Variants in RBFOX1 observed in about 807,000 individuals in gnomAD.
The protein encoded by RBFOX1 is RNA binding fox-1 homolog 1.
A neutral mutation model predicts 57.7 loss-of-function variants in RBFOX1; 8 were observed. The observed-to-expected ratio is 0.14, with a 90% CI of 0.08 to 0.25. The LOEUF is 0.25. Among genes scored for constraint, RBFOX1 ranks in the 10% least tolerant of loss-of-function variants. RBFOX1 has a pLI of 1.00. For missense variants in RBFOX1, 611 were observed against 548.5 expected (o/e 1.11, Z -1.14); for synonymous variants, 326 against 222.4 (o/e 1.47, Z -4.15).
intron 1 of RBFOX1, among the ~76,000 whole-genome samples, chr16:5,272,079 C>T (rs1391100575): frequency 1.3e-5 from 2 of 152,180 alleles, no homozygotes; most frequent in Non-Finnish European, 2.9e-5. Flanking sequence ...GAGATCCCTT[C>T]AACATATTGA....
chr16:6,808,855 A>C (rs1418039197), intron 3 of RBFOX1, among the ~76,000 whole-genome samples: 1 of 152,168 alleles, frequency 6.6e-6, no homozygotes, highest in Middle Eastern at 3.2e-3. Context: ...CCAAGGGAAT[A>C]CTTCCTGTAA....
rs544276704 is a variant in RBFOX1 at position 6,671,669 on chromosome 16, G to C, written c.-16+17019G>C. Among the ~76,000 whole-genome samples, 5 of 152,238 alleles carry C rather than the reference G, an allele frequency of 3.3e-5. 1 individual carries two copies. In the South Asian group the frequency reaches 1.0e-3, roughly 32 times the overall value. On this transcript the variant is annotated intron_variant, in intron 3 of 15. Coordinates refer to ENST00000550418, the MANE Select transcript of RBFOX1 (RefSeq NM_018723.4). ...TCCGTTCTATCATTCTTACGCCTTT[G>C]CATCCTCATAGCTTAGCTCCCACTT...
intron 4 of RBFOX1, among the ~76,000 whole-genome samples, chr16:7,068,071 G>A (rs577323209): frequency 3.3e-5 from 5 of 150,214 alleles, no homozygotes; most frequent in South Asian, 4.2e-4. Context: ...TGTATCTGTC[G>A]GACTGGTTTC....
chr16:7,661,975 AG>A (rs1375011922), intron 12 of RBFOX1, among the ~76,000 whole-genome samples: 3 of 152,064 alleles, frequency 2.0e-5, no homozygotes, highest in African/African-American at 4.8e-5. Context: ...TGGTACAAAT[AG>A]GCTTGACATG....
chr16:6,511,044 A>C (rs2096246064), intron 2 of RBFOX1, among the ~76,000 whole-genome samples: 1 of 152,174 alleles, frequency 6.6e-6, no homozygotes, highest in South Asian at 2.1e-4. Flanking sequence ...TTTAAAAGCA[A>C]CATTGAGGTT....
intron 3 of RBFOX1, among the ~76,000 whole-genome samples, chr16:6,780,654 T>C (rs1448744921): frequency 6.7e-6 from 1 of 148,230 alleles, no homozygotes; most frequent in Non-Finnish European, 1.5e-5. Context: ...TATATATGTA[T>C]ATATCTATAT....
At chr16:6,098,782 G>A (rs1375238629) in intron 1 of RBFOX1, among the ~76,000 whole-genome samples, 1 of 152,106 alleles carries the variant, frequency 6.6e-6, no homozygotes, top group African/African-American at 2.4e-5. Context: ...GTTCCTCAGG[G>A]GACTCTGAGA....
At chr16:5,396,727 C>T (rs567785261) in intron 1 of RBFOX1, among the ~76,000 whole-genome samples, 2 of 152,284 alleles carry the variant, frequency 1.3e-5, no homozygotes, top group East Asian at 1.9e-4. Flanking sequence ...TCATCTGTAT[C>T]GTGGCTTAAC....
At chr16:7,400,748 T>C (rs1322877148) in intron 4 of RBFOX1, among the ~76,000 whole-genome samples, 2 of 152,182 alleles carry the variant, frequency 1.3e-5, no homozygotes, top group Non-Finnish European at 2.9e-5. Context: ...CAGTCTGCAG[T>C]AATCCAGTCA....
At position 5,880,695 on chromosome 16, in the gene RBFOX1, C is replaced by G. The variant is rs555344336; in HGVS notation, c.351+13360C>G. ...GATCCTGCAGATCCTAGACTGAGGT[C>G]CCTTAACCTCTTCTGTTTCATGACC... On this transcript the variant is annotated intron_variant, in intron 4 of 19. Coordinates refer to the RBFOX1 transcript ENST00000641259. 1.0e-3 allele frequency among the ~76,000 whole-genome samples: 157 copies of G among 152,180 alleles called. 3 individuals carry two copies. The highest frequency in any genetic ancestry group is 3.7e-3 in the African/African-American group (154 of 41,520).
chr16:6,892,848 G>A (rs1322188691), intron 3 of RBFOX1, among the ~76,000 whole-genome samples: 1 of 139,012 alleles, frequency 7.2e-6, no homozygotes, highest in Non-Finnish European at 1.5e-5. Flanking sequence ...AGGGTGTTCT[G>A]TGCCCCCCTC....
chr16:6,770,761 G>T (rs895474809), intron 3 of RBFOX1, among the ~76,000 whole-genome samples: 1 of 152,110 alleles, frequency 6.6e-6, no homozygotes, highest in African/African-American at 2.4e-5. Context: ...CATTCTTCTT[G>T]TCTCCCCAGT....
At chr16:6,034,680 G>C (rs184188318) in intron 1 of RBFOX1, among the ~76,000 whole-genome samples, 58 of 152,264 alleles carry the variant, frequency 3.8e-4, no homozygotes, top group South Asian at 2.1e-3. Flanking sequence ...CCTTCATACC[G>C]TAACAGAATG....
chr16:5,605,813 G>A (rs1017124009), intron 3 of RBFOX1, among the ~76,000 whole-genome samples: 6 of 152,120 alleles, frequency 3.9e-5, no homozygotes, highest in African/African-American at 1.4e-4. Flanking sequence ...GTATAGGCGA[G>A]AAGAATGGTA....
At chr16:6,931,863 G>A (rs148094550) in intron 3 of RBFOX1, among the ~76,000 whole-genome samples, 5 of 152,232 alleles carry the variant, frequency 3.3e-5, no homozygotes, top group Middle Eastern at 3.4e-3. Context: ...GGTATCTGAC[G>A]AGGGCGTGGT....
At position 6,951,944 on chromosome 16, in the gene RBFOX1, C is replaced by G. The variant is rs145312822; in HGVS notation, c.-15-100113C>G. Among the ~76,000 whole-genome samples the G allele has an allele frequency of 7.3e-4, 111 of 152,274 alleles. 2 individuals carry two copies. In the East Asian group the frequency reaches 0.019, roughly 26 times the overall value. On this transcript the variant is annotated intron_variant, in intron 3 of 15. Transcript: ENST00000550418. ...AGAGATGGGGTTTCACCATGTTGGT[C>G]AGGCTGGTCTCGAACACCTGATCTC...
chr16:7,673,127 C>G (rs74011970), intron 13 of RBFOX1, among the ~76,000 whole-genome samples: 4,882 of 152,074 alleles, frequency 0.032, 148 homozygotes, highest in East Asian at 0.18. Context: ...TGTTACAGTC[C>G]TACCGACGCC....
chr16:7,630,766 C>T lies in RBFOX1; in HGVS notation c.757+83C>T, dbSNP rs577225690. The T allele has an allele frequency of 3.2e-6, 5 of 1,566,698 alleles. No homozygotes were observed. The African/African-American group carries it at 4.1e-5, about 13-fold the overall frequency. The stretch of plus-strand genomic sequence containing the variant: ...TTCCCTGCCATGTAAGTTCTCTCCC[C>T]CTCCCTCTGCCCCACCCTCTCTTGT... On this transcript the variant is annotated intron_variant, in intron 11 of 15. Coordinates refer to ENST00000550418, the MANE Select transcript of RBFOX1 (RefSeq NM_018723.4).
intron 4 of RBFOX1, among the ~76,000 whole-genome samples, chr16:7,080,650 C>G (rs1441763831): frequency 2.0e-5 from 3 of 152,242 alleles, no homozygotes; most frequent in African/African-American, 4.8e-5. Context: ...CTTTATTTTT[C>G]TAGCTGCATG....
Sources: gnomAD v4.1 joint callset for allele counts (sites outside exome capture counted in the v4.1 genomes callset) on GRCh38, gnomAD v4.1.1 for gene constraint, MANE v1.5 for transcripts, NCBI Gene and HGNC (gene_info 2026-07-23, HGNC 2026-07-21) for gene names.